TYW1B: variants seen among roughly 807,000 people sequenced by gnomAD.
The protein encoded by TYW1B is S-adenosyl-L-methionine-dependent tRNA 4-demethylwyosine synthase TYW1B.
TYW1B carries 73 observed loss-of-function variants against 86.9 expected under a neutral mutation model. That is an observed-to-expected ratio of 0.84 (90% CI 0.70 to 1.02). The LOEUF is 1.02. Among genes scored for constraint, TYW1B ranks in the 50% least tolerant of loss-of-function variants. The probability of loss-of-function intolerance (pLI) is 0.00; values close to 1 mark genes in which losing one functional copy is unlikely to be tolerated. For missense variants in TYW1B, 637 were observed against 827.4 expected (o/e 0.77, Z 2.82); for synonymous variants, 248 against 292.8 (o/e 0.85, Z 1.56).
intron 13 of TYW1B, among the ~76,000 whole-genome samples, chr7:72,600,628 A>G (rs1461493395): frequency 2.0e-5 from 3 of 152,240 alleles, no homozygotes; most frequent in African/African-American, 7.2e-5. Context: ...CATCCAAAAT[A>G]TATAAAGAAC....
chr7:72,685,784 C>A (rs1290503197), intron 11 of TYW1B, among the ~76,000 whole-genome samples: 1 of 152,016 alleles, frequency 6.6e-6, no homozygotes, highest in Non-Finnish European at 1.5e-5. Flanking sequence ...AAAGGCATGA[C>A]CCATGAGAGA....
At chr7:72,608,725 A>C (rs1811858760) in intron 13 of TYW1B, among the ~76,000 whole-genome samples, 1 of 152,226 alleles carries the variant, frequency 6.6e-6, no homozygotes, top group Non-Finnish European at 1.5e-5. Flanking sequence ...AAGAAAGTCG[A>C]AGTGGCTCTA....
In TYW1B at chr7:72,653,808, G is replaced by A. The variant is rs184603289; in HGVS notation, c.1507-24811C>T. 4.6e-5 allele frequency among the ~76,000 whole-genome samples: 7 copies of A among 152,152 alleles called. No homozygotes were observed. In the East Asian group the frequency reaches 7.8e-4, roughly 17 times the overall value. ...TGATAAAATCCTTAGCAGGCCAGGC[G>A]TGGTGGCTCACGCCTGTGATCCCAG... On this transcript the variant is annotated intron_variant, in intron 11 of 13. Coordinates refer to ENST00000620995, the MANE Select transcript of TYW1B (RefSeq NM_001145440.3).
chr7:72,602,497 G>C (rs1326644829), intron 13 of TYW1B, among the ~76,000 whole-genome samples: 3 of 152,122 alleles, frequency 2.0e-5, no homozygotes, highest in Non-Finnish European at 2.9e-5. Flanking sequence ...GGCCTAAAAA[G>C]ACAGCCCAAC....
chr7:72,627,041 G>A (rs1812363849), intron 12 of TYW1B, among the ~76,000 whole-genome samples: 1 of 152,050 alleles, frequency 6.6e-6, no homozygotes, highest in African/African-American at 2.4e-5. Flanking sequence ...CTACGCCACT[G>A]CCAACCTCAG....
At chr7:72,654,071 C>T (rs1401924045) in intron 11 of TYW1B, among the ~76,000 whole-genome samples, 1 of 141,446 alleles carries the variant, frequency 7.1e-6, no homozygotes, top group Non-Finnish European at 1.5e-5. Context: ...CAGAGCAAGG[C>T]TCCATCACAA....
chr7:72,609,087 G>T (rs1389305213), intron 13 of TYW1B, among the ~76,000 whole-genome samples: 1 of 152,160 alleles, frequency 6.6e-6, no homozygotes, highest in African/African-American at 2.4e-5. Flanking sequence ...TACATGAAGG[G>T]TACCTGAGAC....
At chr7:72,820,419 A>C (rs1554480262) in intron 2 of TYW1B, among the ~76,000 whole-genome samples, 2 of 152,230 alleles carry the variant, frequency 1.3e-5, no homozygotes, top group Non-Finnish European at 2.9e-5. Flanking sequence ...GAGGTCCTTA[A>C]GGAAGTGCTA....
At chr7:72,604,509 G>A (rs1398147363) in intron 13 of TYW1B, among the ~76,000 whole-genome samples, 1 of 151,964 alleles carries the variant, frequency 6.6e-6, no homozygotes, top group Admixed American at 6.6e-5. Context: ...ATGAAGTTTT[G>A]AAACACTGCT....
rs1322133398 is a variant in TYW1B, at chr7:72,798,339, C to T, written c.846+4061G>A. On this transcript the variant is annotated intron_variant, in intron 6 of 13. Transcript: ENST00000620995. ...CCAGGAGGCAGAGCTTGCAGTGAGC[C>T]GAGATCGCGCCACTGCACTCCAGCC... 1.1e-4 allele frequency among the ~76,000 whole-genome samples: 17 copies of T among 151,736 alleles called. No individual in the cohort carries two copies. The East Asian group carries it at 2.1e-3, about 19-fold the overall frequency.
chr7:72,650,194 G>A (rs1375113884), intron 11 of TYW1B, among the ~76,000 whole-genome samples: 5 of 151,772 alleles, frequency 3.3e-5, no homozygotes, highest in Non-Finnish European at 5.9e-5. Flanking sequence ...GATTACAGGA[G>A]TGAGCCACCG....
At chr7:72,736,606 C>T (rs1563076758) in intron 8 of TYW1B, among the ~76,000 whole-genome samples, 1 of 152,022 alleles carries the variant, frequency 6.6e-6, no homozygotes, top group Non-Finnish European at 1.5e-5. Context: ...AAACGCTATC[C>T]CCTCGGGTAT....
At chr7:72,585,510 G>A (rs1239773231) in intron 13 of TYW1B, among the ~76,000 whole-genome samples, 1 of 152,150 alleles carries the variant, frequency 6.6e-6, no homozygotes, top group African/African-American at 2.4e-5. Flanking sequence ...GATACAGTTT[G>A]GCTGTGTCTC....
At chr7:72,646,057 G>GT in intron 11 of TYW1B, among the ~76,000 whole-genome samples, 1 of 146,062 alleles carries the variant, frequency 6.8e-6, no homozygotes, top group South Asian at 2.2e-4. Context: ...CTTTTCGTTT[G>GT]TTTTTTGTTG....
chr7:72,738,064 G>A lies in TYW1B; in HGVS notation c.1082+6420C>T, dbSNP rs529060279. ...GCTGGGATTACAGGCGTGAGCCACC[G>A]CGCCTGGCCATATTTCTTTCTTTCT... On this transcript the variant is annotated intron_variant, in intron 8 of 13. Transcript: ENST00000620995. Among the ~76,000 whole-genome samples, 39 of 147,076 alleles carry A rather than the reference G, an allele frequency of 2.7e-4. 1 individual carries two copies. Among genetic ancestry groups the A allele is most frequent in the Admixed American group, 2.5e-3 (36 of 14,512 alleles).
intron 11 of TYW1B, among the ~76,000 whole-genome samples, chr7:72,685,601 C>A (rs1439223054): frequency 1.5e-5 from 1 of 66,030 alleles, no homozygotes; most frequent in African/African-American, 5.1e-5. Context: ...AACTAGAAAT[C>A]CACATGCAAA....
intron 7 of TYW1B, among the ~76,000 whole-genome samples, chr7:72,766,963 T>C (rs1335120495): frequency 2.0e-5 from 3 of 152,012 alleles, no homozygotes; most frequent in Non-Finnish European, 4.4e-5. Context: ...ACAGGATAAA[T>C]GATCAGTCAT....
intron 7 of TYW1B, among the ~76,000 whole-genome samples, chr7:72,762,805 G>A (rs1585964947): frequency 1.3e-5 from 2 of 151,920 alleles, no homozygotes; most frequent in African/African-American, 2.4e-5. Flanking sequence ...GACTACAGGC[G>A]CACCCCACCA....
chr7:72,717,644 GACACAC>G (rs71071905), intron 9 of TYW1B, among the ~76,000 whole-genome samples: 7,224 of 146,156 alleles, frequency 0.049, 415 homozygotes, highest in East Asian at 0.28. Flanking sequence ...AGCTGTGCTT[GACACAC>G]ACACACACAC....
Sources: gnomAD v4.1 joint callset for allele counts (sites outside exome capture counted in the v4.1 genomes callset) on GRCh38, gnomAD v4.1.1 for gene constraint, MANE v1.5 for transcripts, NCBI Gene and HGNC (gene_info 2026-07-23, HGNC 2026-07-21) for gene names.